The following SLC9C2 variants were observed in gnomAD, a reference collection of about 807,000 sequenced individuals.
The protein encoded by SLC9C2 is sodium/hydrogen exchanger 11.
In SLC9C2, 75 loss-of-function variants were observed where a neutral mutation model predicts 140.2. The ratio of observed to expected loss-of-function variants is 0.53; its 90% CI spans 0.44 to 0.65. SLC9C2 has a LOEUF of 0.65. SLC9C2 is among the 30% of genes least tolerant of loss of function. The pLI, the probability that SLC9C2 is intolerant of heterozygous loss-of-function variation, is 0.00. For synonymous variants in SLC9C2, 375 were observed against 420.9 expected, an observed-to-expected ratio of 0.89 and a Z score of 1.34; for missense variants, 1,074 against 1,331.8, an observed-to-expected ratio of 0.81 and a Z score of 3.01.
At chr1:173,526,158 TTGGC>T (rs1458714464) in intron 19 of SLC9C2, among the ~76,000 whole-genome samples, 3 of 152,192 alleles carry the variant, frequency 2.0e-5, no homozygotes, top group African/African-American at 7.2e-5. Flanking sequence ...CCAAAAAAAC[TTGGC>T]ATAAAATCCC....
chr1:173,523,931 C>T (rs1410136131), intron 21 of SLC9C2, 38 bp downstream of exon 21: 3 of 1,587,660 alleles, frequency 1.9e-6, no homozygotes, highest in Non-Finnish European at 2.6e-6. Context: ...GGATAATTAC[C>T]ATCAAACCTG....
chr1:173,587,774 G>T lies in SLC9C2; in HGVS notation c.414C>A (p.Val138=). 1 of 1,612,932 alleles carries T rather than the reference G, an allele frequency of 6.2e-7. No homozygotes were observed. Among genetic ancestry groups the T allele is most frequent in the South Asian group, 1.1e-5 (1 of 90,992 alleles). The change falls in exon 5 of 28, where the codon GTC becomes GTA. Residue 138 remains valine, a synonymous_variant. Transcript: ENST00000367714. Reference sequence around the variant, plus strand: ...ATGAATCTTTATTGAATTTTATAACGACATATCCAATTATGATGCTTGCTG... The same window carrying T: ...ATGAATCTTTATTGAATTTTATAACTACATATCCAATTATGATGCTTGCTG... The part of the protein sequence containing the change: ...FSTASIIIGY[V]VIKFNKDSWD...
In SLC9C2 at chr1:173,600,189, A is replaced by G. The variant is rs146497382; in HGVS notation, c.156T>C (p.Cys52=). 45 of 1,612,656 alleles carry G rather than the reference A, an allele frequency of 2.8e-5. No individual in the cohort carries two copies. In the African/African-American group the frequency reaches 5.6e-4, roughly 20 times the overall value. The change falls in exon 3 of 28, where the codon TGT becomes TGC. Residue 52 remains cysteine, a synonymous_variant. Coordinates refer to ENST00000367714, the MANE Select transcript of SLC9C2 (RefSeq NM_178527.4). ...GGLLKMCLKN[C]EVIVLTILSL... is the part of the protein sequence containing the mutation. ...AAAGAATCGTCAAAACAATGACTTC[A>G]CAATTCTTTAAACACATCTTCAAAA...
intron 4 of SLC9C2, among the ~76,000 whole-genome samples, chr1:173,594,613 A>G (rs1420182468): frequency 6.6e-6 from 1 of 152,166 alleles, no homozygotes; most frequent in Non-Finnish European, 1.5e-5. Flanking sequence ...TACAATCACA[A>G]TAATAATGAT....
chr1:173,537,881 G>A (rs1438569767), intron 13 of SLC9C2, among the ~76,000 whole-genome samples: 3 of 152,096 alleles, frequency 2.0e-5, no homozygotes, highest in African/African-American at 7.2e-5. Context: ...TCAGAGGTTA[G>A]CGTTACCTCC....
At chr1:173,589,915 T>C (rs982124530) in intron 4 of SLC9C2, among the ~76,000 whole-genome samples, 1 of 152,046 alleles carries the variant, frequency 6.6e-6, no homozygotes, top group Non-Finnish European at 1.5e-5. Flanking sequence ...ATGGAGAATA[T>C]GATGGAAAAT....
intron 9 of SLC9C2, among the ~76,000 whole-genome samples, chr1:173,570,706 C>A (rs1321969283): frequency 6.6e-6 from 1 of 152,186 alleles, no homozygotes; most frequent in Non-Finnish European, 1.5e-5. Context: ...GTTTCTACCA[C>A]GGGAATGGGT....
chr1:173,517,440 G>A (rs1258980714), intron 23 of SLC9C2, 97 bp downstream of exon 23: 1 of 1,207,738 alleles, frequency 8.3e-7, no homozygotes, highest in Non-Finnish European at 1.1e-6. Context: ...AGCTGGTTGG[G>A]TGACTAAGAT....
At chr1:173,507,480 G>A (rs201334192) in intron 24 of SLC9C2, among the ~76,000 whole-genome samples, 1 of 151,638 alleles carries the variant, frequency 6.6e-6, no homozygotes, top group African/African-American at 2.4e-5. Flanking sequence ...CTTTAGAACT[G>A]GGAGGGAGTT....
At chr1:173,524,223 G>T in intron 20 of SLC9C2, 129 bp from the exon 21 acceptor site, 5 of 837,812 alleles carry the variant, frequency 6.0e-6, no homozygotes, top group Non-Finnish European at 8.8e-6. Flanking sequence ...CTCACAGCTT[G>T]TCTCATCCTA....
At chr1:173,552,613 C>T (rs763462288) in intron 11 of SLC9C2, among the ~76,000 whole-genome samples, 1 of 152,018 alleles carries the variant, frequency 6.6e-6, no homozygotes, top group Non-Finnish European at 1.5e-5. Flanking sequence ...AAAAACAAAG[C>T]CTGGATGACA....
chr1:173,504,035 G>A (rs1212811144), intron 26 of SLC9C2, among the ~76,000 whole-genome samples: 1 of 152,216 alleles, frequency 6.6e-6, no homozygotes, highest in Admixed American at 6.5e-5. Context: ...CAAGGGGGCT[G>A]ACGCTAGACC....
At chr1:173,562,819 T>A (rs1343554555) in intron 9 of SLC9C2, among the ~76,000 whole-genome samples, 2 of 152,328 alleles carry the variant, frequency 1.3e-5, no homozygotes, top group East Asian at 3.9e-4. Flanking sequence ...TATAAAAATT[T>A]TATTCCAGAA....
rs1663173396 is a variant in SLC9C2 at position 173,550,414 on chromosome 1, TTTTTA to T, written c.1298-1867_1298-1863del. ...ATGAGATCCTGTATCTTTTTTTATT[TTTTTA>T]TTTTATTTATTTATTTATTTATTTA... On this transcript the variant is annotated intron_variant, in intron 11 of 27. Transcript: ENST00000367714. Among the ~76,000 whole-genome samples, 3 of 149,908 alleles carry T rather than the reference TTTTTA, an allele frequency of 2.0e-5. No homozygotes were observed. In the South Asian group the frequency reaches 6.3e-4, roughly 31 times the overall value.
At chr1:173,590,270 G>A (rs1161080055) in intron 4 of SLC9C2, among the ~76,000 whole-genome samples, 1 of 150,422 alleles carries the variant, frequency 6.6e-6, no homozygotes, top group Admixed American at 6.6e-5. Context: ...AAATAACAGA[G>A]TATAGAAAAT....
intron 6 of SLC9C2, among the ~76,000 whole-genome samples, chr1:173,583,235 A>G (rs957570402): frequency 3.9e-5 from 6 of 152,302 alleles, no homozygotes; most frequent in African/African-American, 1.4e-4. Flanking sequence ...CAAATACTCT[A>G]TGTAAATAGC....
intron 11 of SLC9C2, among the ~76,000 whole-genome samples, chr1:173,550,452 A>ATTTATTT (rs767649310): frequency 0.017 from 2,491 of 145,580 alleles, 94 homozygotes; most frequent in African/African-American, 0.06. Context: ...TTATTTATTT[A>ATTTATTT]TTTTTGAGGA....
intron 7 of SLC9C2, among the ~76,000 whole-genome samples, chr1:173,580,175 A>ACT (rs5778773): frequency 1 from 152,253 of 152,258 alleles, 76,124 homozygotes; most frequent in Non-Finnish European, 1. Context: ...TGGTGTAAAG[A>ACT]CTCACTGTGG....
intron 7 of SLC9C2, 100 bp from the exon 8 acceptor site, chr1:173,576,860 G>C (rs2102197948): frequency 1.3e-6 from 1 of 781,688 alleles, no homozygotes; most frequent in African/African-American, 1.8e-5. Context: ...AATCTTAAGA[G>C]AAGTAGTAGT....
Sources: allele counts gnomAD v4.1 joint callset (sites outside exome capture counted in the v4.1 genomes callset), GRCh38; gene constraint gnomAD v4.1.1; transcripts MANE v1.5; gene names NCBI Gene and HGNC (gene_info 2026-07-23, HGNC 2026-07-21).